Variants in PTPRD observed in about 807,000 individuals in gnomAD.
PTPRD encodes the protein protein tyrosine phosphatase receptor type D.
A neutral mutation model predicts 214.5 loss-of-function variants in PTPRD; 34 were observed. The observed-to-expected ratio is 0.16, with a 90% CI of 0.12 to 0.21. PTPRD has a LOEUF of 0.21. Ranked by LOEUF, PTPRD falls within the 10% of genes least tolerant of loss-of-function variation. The pLI is 1.00. For missense variants in PTPRD, 2,545 were observed against 2,398.7 expected, an observed-to-expected ratio of 1.06 and a Z score of -1.27; for synonymous variants, 1,128 against 845.7, an observed-to-expected ratio of 1.33 and a Z score of -5.79.
intron 11 of PTPRD, among the ~76,000 whole-genome samples, chr9:8,765,560 A>T (rs999269129): frequency 1.3e-5 from 2 of 152,136 alleles, no homozygotes; most frequent in Admixed American, 6.5e-5. Flanking sequence ...ACAAGCCAAT[A>T]TTCCCCCAGC....
chr9:10,293,746 T>C (rs1046602240), intron 3 of PTPRD, among the ~76,000 whole-genome samples: 38 of 152,100 alleles, frequency 2.5e-4, no homozygotes, highest in African/African-American at 8.9e-4. Context: ...TTTTGAGATG[T>C]AATTCTAGCC....
At chr9:9,021,566 A>G (rs913552960) in intron 10 of PTPRD, among the ~76,000 whole-genome samples, 6 of 152,102 alleles carry the variant, frequency 3.9e-5, no homozygotes, top group African/African-American at 1.4e-4. Flanking sequence ...AATGTTAACT[A>G]CAGAATGGTC....
intron 5 of PTPRD, among the ~76,000 whole-genome samples, chr9:9,820,920 G>A (rs1008199311): frequency 1.3e-5 from 2 of 152,050 alleles, no homozygotes; most frequent in Admixed American, 1.3e-4. Flanking sequence ...GTAATGTAAT[G>A]CCTCTGTCCT....
chr9:8,868,229 C>A (rs2098233260), intron 11 of PTPRD, among the ~76,000 whole-genome samples: 1 of 152,114 alleles, frequency 6.6e-6, no homozygotes, highest in Non-Finnish European at 1.5e-5. Flanking sequence ...GAGACAGAGT[C>A]TCCTCTGTAC....
intron 3 of PTPRD, among the ~76,000 whole-genome samples, chr9:10,213,403 T>A (rs2099525928): frequency 6.6e-6 from 1 of 152,068 alleles, no homozygotes; most frequent in South Asian, 2.1e-4. Flanking sequence ...GACCAAGGCT[T>A]ATAAGAAGCA....
At chr9:8,518,776 A>C (rs1347530940) in intron 20 of PTPRD, among the ~76,000 whole-genome samples, 2 of 152,204 alleles carry the variant, frequency 1.3e-5, no homozygotes, top group African/African-American at 2.4e-5. Context: ...CATATTATAC[A>C]GCTGTATGTA....
chr9:8,871,434 T>C (rs1015609726), intron 11 of PTPRD, among the ~76,000 whole-genome samples: 6 of 152,152 alleles, frequency 3.9e-5, no homozygotes, highest in African/African-American at 7.2e-5. Flanking sequence ...TTGAGTAACA[T>C]CTTTAGAAAA....
intron 9 of PTPRD, among the ~76,000 whole-genome samples, chr9:9,266,412 A>C (rs1206558863): frequency 6.6e-6 from 1 of 151,390 alleles, no homozygotes; most frequent in Non-Finnish European, 1.5e-5. Context: ...TAACAAACAT[A>C]TACAGAACAC....
At chr9:8,806,332 G>T (rs2096680634) in intron 11 of PTPRD, among the ~76,000 whole-genome samples, 1 of 151,596 alleles carries the variant, frequency 6.6e-6, no homozygotes, top group African/African-American at 2.4e-5. Flanking sequence ...TTTCCAAAGA[G>T]TTATAAAATG....
At chr9:8,940,474 A>G (rs1897679) in intron 11 of PTPRD, among the ~76,000 whole-genome samples, 55,951 of 123,204 alleles carry the variant, frequency 0.45, 13,419 homozygotes, top group East Asian at 0.73. Context: ...GGTATTTTTA[A>G]TAGAGACAGG....
intron 5 of PTPRD, among the ~76,000 whole-genome samples, chr9:9,916,550 C>T (rs373580423): frequency 6.6e-6 from 1 of 151,630 alleles, no homozygotes; most frequent in African/African-American, 2.4e-5. Flanking sequence ...TGTATGTATA[C>T]ATATATACAT....
intron 2 of PTPRD, among the ~76,000 whole-genome samples, chr9:10,609,918 C>T (rs1304048586): frequency 6.6e-6 from 1 of 151,970 alleles, no homozygotes; most frequent in East Asian, 1.9e-4. Context: ...TTGCCTTCAC[C>T]AACAGCAACT....
chr9:9,688,152 A>C (rs554830068), intron 7 of PTPRD, among the ~76,000 whole-genome samples: 26 of 152,040 alleles, frequency 1.7e-4, no homozygotes, highest in South Asian at 1.5e-3. Context: ...TGAGTCAATT[A>C]AACCTCTTTT....
intron 7 of PTPRD, among the ~76,000 whole-genome samples, chr9:9,613,824 G>C (rs1236199137): frequency 2.0e-5 from 3 of 152,084 alleles, no homozygotes; most frequent in Admixed American, 6.6e-5. Context: ...TTGAGAAGCA[G>C]TGCTCTGGAT....
intron 11 of PTPRD, among the ~76,000 whole-genome samples, chr9:9,002,525 A>T (rs2099428372): frequency 6.6e-6 from 1 of 152,064 alleles, no homozygotes; most frequent in South Asian, 2.1e-4. Context: ...TTATGTGCCT[A>T]TAATGGTAGA....
At position 8,315,932 on chromosome 9, in the gene PTPRD, T is replaced by TAAGA. The variant is rs1358549895; in HGVS notation, c.*1938_*1941dup. 3 of 186,936 alleles carry TAAGA rather than the reference T, an allele frequency of 1.6e-5. No homozygotes were observed. The East Asian group carries it at 2.1e-4, about 13-fold the overall frequency. The allele number at this position is 186,936 out of a possible 1,614,324, so 11.6% of individuals were successfully genotyped here. Reference sequence around the variant, plus strand: ...GAAATTCTGTTGGAAGAATTGGGGGTAAGATACATATATATATATAGTTTA... The same window carrying TAAGA: ...GAAATTCTGTTGGAAGAATTGGGGGTAAGAAAGATACATATATATATATAGTTTA... On this transcript the variant is annotated 3_prime_UTR_variant, in exon 46 of 46. Coordinates refer to ENST00000381196, the MANE Select transcript of PTPRD (RefSeq NM_002839.4).
intron 27 of PTPRD, among the ~76,000 whole-genome samples, chr9:8,490,014 G>C (rs1327511421): frequency 6.6e-6 from 1 of 152,156 alleles, no homozygotes; most frequent in African/African-American, 2.4e-5. Flanking sequence ...GTGGAGTCAG[G>C]TTTCTAATGC....
At chr9:8,664,245 A>T (rs999218613) in intron 12 of PTPRD, among the ~76,000 whole-genome samples, 5 of 152,212 alleles carry the variant, frequency 3.3e-5, no homozygotes, top group Non-Finnish European at 5.9e-5. Flanking sequence ...GCCTTTAAAA[A>T]AATGACCAAG....
chr9:10,192,913 C>T (rs553769294), intron 3 of PTPRD, among the ~76,000 whole-genome samples: 10 of 152,286 alleles, frequency 6.6e-5, no homozygotes, highest in Admixed American at 3.3e-4. Context: ...AGCAGGGAGA[C>T]ATCTACCTTA....
Sources: allele counts gnomAD v4.1 joint callset (sites outside exome capture counted in the v4.1 genomes callset), GRCh38; gene constraint gnomAD v4.1.1; transcripts MANE v1.5; gene names NCBI Gene and HGNC (gene_info 2026-07-23, HGNC 2026-07-21).